The following RANBP17 variants were observed in gnomAD, a reference collection of about 807,000 sequenced individuals.
The protein encoded by RANBP17 is ran-binding protein 17.
Under a neutral mutation model 141.2 loss-of-function variants are expected in RANBP17, and 158 were observed. The observed-to-expected ratio is 1.12, with a 90% CI of 0.98 to 1.28. The LOEUF is 1.28. Among genes scored for constraint, RANBP17 ranks in the 50% most tolerant of loss-of-function variants. The pLI is 0.00. For synonymous variants in RANBP17, 430 were observed against 450.0 expected (o/e 0.96, Z 0.56); for missense variants, 1,438 against 1,290.7 (o/e 1.11, Z -1.75).
chr5:171,089,189 C>G (rs557353132), intron 14 of RANBP17, among the ~76,000 whole-genome samples: 17 of 144,932 alleles, frequency 1.2e-4, no homozygotes, highest in African/African-American at 3.5e-4. Flanking sequence ...ACAGGACCCT[C>G]AGCTGCAGGT....
At chr5:171,089,636 G>A (rs1304759123) in intron 14 of RANBP17, among the ~76,000 whole-genome samples, 8 of 151,904 alleles carry the variant, frequency 5.3e-5, no homozygotes, top group African/African-American at 1.9e-4. Flanking sequence ...GACCCTCCGA[G>A]CCAGGTGTGG....
intron 13 of RANBP17, among the ~76,000 whole-genome samples, chr5:170,959,702 T>C (rs1279395304): frequency 6.6e-6 from 1 of 152,226 alleles, no homozygotes; most frequent in African/African-American, 2.4e-5. Context: ...GTATGTTATA[T>C]GTATTCTATG....
intron 14 of RANBP17, among the ~76,000 whole-genome samples, chr5:171,092,188 A>G (rs563974280): frequency 6.6e-6 from 1 of 152,362 alleles, no homozygotes; most frequent in Non-Finnish European, 1.5e-5. Flanking sequence ...AGTAAAACAA[A>G]GGAAAAAAAT....
At chr5:171,210,332 A>C (rs999628385) in intron 20 of RANBP17, among the ~76,000 whole-genome samples, 10 of 151,966 alleles carry the variant, frequency 6.6e-5, no homozygotes, top group Admixed American at 6.6e-4. Flanking sequence ...TGTGGCAGTC[A>C]CCTCTGTCAG....
At chr5:171,093,930 T>A (rs1341655305) in intron 14 of RANBP17, among the ~76,000 whole-genome samples, 1 of 151,702 alleles carries the variant, frequency 6.6e-6, no homozygotes, top group African/African-American at 2.4e-5. Flanking sequence ...TGGCTCCTGG[T>A]AAGTTGCCCC....
intron 14 of RANBP17, among the ~76,000 whole-genome samples, chr5:171,015,315 A>G (rs1039167006): frequency 5.9e-5 from 9 of 152,104 alleles, no homozygotes; most frequent in African/African-American, 1.9e-4. Context: ...GATGTTGCCC[A>G]ACAGCTTGCT....
At chr5:171,261,749 C>G (rs1171542858) in intron 24 of RANBP17, among the ~76,000 whole-genome samples, 1 of 152,126 alleles carries the variant, frequency 6.6e-6, no homozygotes, top group Non-Finnish European at 1.5e-5. Context: ...ACACCAAGAA[C>G]TAGGACAAAA....
At chr5:170,954,513 C>T (rs1156399692) in intron 13 of RANBP17, among the ~76,000 whole-genome samples, 1 of 74,262 alleles carries the variant, frequency 1.3e-5, no homozygotes, top group Non-Finnish European at 2.5e-5. Context: ...GTATATTTTA[C>T]ACACACACAC....
chr5:170,902,854 T>G (rs1262789234), intron 5 of RANBP17, among the ~76,000 whole-genome samples: 2 of 152,342 alleles, frequency 1.3e-5, no homozygotes, highest in East Asian at 3.9e-4. Context: ...CAGCGGAGGC[T>G]GCAGAACAGC....
intron 14 of RANBP17, among the ~76,000 whole-genome samples, chr5:171,089,219 T>C (rs925043289): frequency 1.7e-5 from 2 of 118,510 alleles, no homozygotes; most frequent in African/African-American, 2.7e-5. Context: ...TACCCTGCAG[T>C]GTGAGGTGTC....
intron 14 of RANBP17, among the ~76,000 whole-genome samples, chr5:171,091,710 C>T (rs964557977): frequency 2.0e-5 from 3 of 152,104 alleles, no homozygotes; most frequent in Non-Finnish European, 2.9e-5. Context: ...CTCATGATAG[C>T]GAATAAGTCT....
intron 18 of RANBP17, among the ~76,000 whole-genome samples, chr5:171,196,021 T>C (rs1429896640): frequency 6.6e-6 from 1 of 152,200 alleles, no homozygotes. Flanking sequence ...TTCAAGGCAC[T>C]GGGGATACTC....
chr5:171,057,798 C>A (rs1176865274), intron 14 of RANBP17, among the ~76,000 whole-genome samples: 1 of 152,020 alleles, frequency 6.6e-6, no homozygotes, highest in African/African-American at 2.4e-5. Context: ...ATGCCAGATG[C>A]TTACAAAACC....
At chr5:171,205,486 C>T (rs756006000) in intron 19 of RANBP17, 38 bp from the exon 20 acceptor site, 6 of 1,540,360 alleles carry the variant, frequency 3.9e-6, no homozygotes, top group African/African-American at 1.4e-5. Flanking sequence ...TCTGCGCTAA[C>T]GTGAAAATCA....
chr5:171,027,854 G>A (rs984730851), intron 14 of RANBP17, among the ~76,000 whole-genome samples: 2 of 151,966 alleles, frequency 1.3e-5, no homozygotes, highest in African/African-American at 4.8e-5. Context: ...AAATTTTTCT[G>A]CTATTAATTA....
chr5:170,962,539 A>G (rs1165009247), intron 13 of RANBP17, among the ~76,000 whole-genome samples: 1 of 152,232 alleles, frequency 6.6e-6, no homozygotes, highest in Non-Finnish European at 1.5e-5. Flanking sequence ...TCACTTGACA[A>G]ATCACTTGGC....
intron 12 of RANBP17, among the ~76,000 whole-genome samples, chr5:170,944,439 A>G (rs900994675): frequency 1.3e-5 from 2 of 152,028 alleles, no homozygotes; most frequent in Non-Finnish European, 2.9e-5. Flanking sequence ...GCTAATTTTG[A>G]TATTTTTTGG....
intron 14 of RANBP17, among the ~76,000 whole-genome samples, chr5:171,053,488 A>G (rs1783103501): frequency 6.6e-6 from 1 of 152,170 alleles, no homozygotes; most frequent in Admixed American, 6.5e-5. Context: ...ATGCTATTAT[A>G]AATGGAATTT....
chr5:171,213,683 G>C lies in RANBP17; in HGVS notation c.2284G>C (p.Glu762Gln), dbSNP rs1763047219. 1 of 1,613,720 alleles carries C rather than the reference G, an allele frequency of 6.2e-7. No homozygotes were observed. Among genetic ancestry groups the C allele is most frequent in the Admixed American group, 1.7e-5 (1 of 59,974 alleles). ...LQNAVERWYG[E>Q]PTCTTPILKL... ...GAATGCTGTTGAACGGTGGTATGGA[G>C]AGCCAACATGTACAACTCCCATCTT... Residue 762 changes from glutamate (E) to glutamine (Q), a missense_variant, in exon 21 of 28, where the codon GAG becomes CAG. Physicochemically the swap from Glu to Gln is conservative, Grantham distance 29. Coordinates refer to ENST00000523189, the MANE Select transcript of RANBP17 (RefSeq NM_022897.5).
Sources: gnomAD v4.1 joint callset for allele counts (sites outside exome capture counted in the v4.1 genomes callset) on GRCh38, gnomAD v4.1.1 for gene constraint, MANE v1.5 for transcripts, NCBI Gene and HGNC (gene_info 2026-07-23, HGNC 2026-07-21) for gene names.